The following VWA3A variants were observed in gnomAD, a reference collection of about 807,000 sequenced individuals.
The protein encoded by VWA3A is von Willebrand factor A domain containing 3A.
Under a neutral mutation model 160.4 loss-of-function variants are expected in VWA3A, and 134 were observed. The observed-to-expected ratio is 0.84, with a 90% CI of 0.73 to 0.96. VWA3A has a LOEUF of 0.96. Ranked by LOEUF, VWA3A falls within the 40% of genes least tolerant of loss-of-function variation. VWA3A has a pLI of 0.00. For missense variants in VWA3A, 1,310 were observed against 1,447.9 expected, an observed-to-expected ratio of 0.90 and a Z score of 1.55; for synonymous variants, 476 against 543.4, an observed-to-expected ratio of 0.88 and a Z score of 1.72.
At chr16:22,131,068 C>A in intron 17 of VWA3A, 137 bp from the exon 18 acceptor site, 1 of 754,078 alleles carries the variant, frequency 1.3e-6, no homozygotes, top group Non-Finnish European at 2.3e-6. Flanking sequence ...CATGGCTGGC[C>A]CAGGCCAGTG....
At chr16:22,105,237 C>T (rs529986652) in intron 6 of VWA3A, among the ~76,000 whole-genome samples, 2 of 152,298 alleles carry the variant, frequency 1.3e-5, no homozygotes, top group African/African-American at 4.8e-5. Context: ...ACCCCATCCT[C>T]GCACCTTTGT....
chr16:22,134,251 G>A (rs1392294046), intron 20 of VWA3A, 117 bp from the exon 21 acceptor site: 13 of 763,994 alleles, frequency 1.7e-5, no homozygotes, highest in Non-Finnish European at 2.5e-5. Flanking sequence ...ACAGGAGTAA[G>A]CCACCATTCC....
In VWA3A at chr16:22,119,032, G is replaced by A; in HGVS notation, c.1116+5G>A. On this transcript the variant is annotated splice_donor_5th_base_variant and intron_variant, in intron 12 of 33. Transcript: ENST00000389398. Reference sequence around the variant, plus strand: ...CTCACCTGCACCATGGAGGAGGTAGGTGGTGCGAGTGTCAATTCTGGGGCC... The same window carrying A: ...CTCACCTGCACCATGGAGGAGGTAGATGGTGCGAGTGTCAATTCTGGGGCC... 1 of 1,603,748 alleles carries A rather than the reference G, an allele frequency of 6.2e-7. No homozygotes were observed. Among genetic ancestry groups the A allele is most frequent in the South Asian group, 1.1e-5 (1 of 89,794 alleles).
At chr16:22,103,370 TA>T (rs879745670) in intron 5 of VWA3A, 104 bp from the exon 6 acceptor site, 21,521 of 845,682 alleles carry the variant, frequency 0.025, 26 homozygotes, top group African/African-American at 0.038. Context: ...CTATGCACAT[TA>T]AAAAAAAAAA....
Position 22,132,999 on chromosome 16 carries a change from C to T in VWA3A, c.1972C>T (p.Pro658Ser), listed in dbSNP as rs531608475. ...YVGEPKMDTTPPARYASHTDT... is the reference protein window; with the variant it reads ...YVGEPKMDTTSPARYASHTDT... ...GGGCGAGCCAAAGATGGACACCACACCCCCTGCCCGCTATGCCAGTCACAC... is the reference window on the plus strand; with the variant it reads ...GGGCGAGCCAAAGATGGACACCACATCCCCTGCCCGCTATGCCAGTCACAC... Residue 658 changes from proline (P) to serine (S), a missense_variant, in exon 20 of 34, where the codon CCC (proline) becomes TCC (serine). By Grantham distance (74) the Pro-to-Ser change is moderately conservative (BLOSUM62 -1). Transcript: ENST00000389398. 8 of 1,613,956 alleles carry T rather than the reference C, an allele frequency of 5.0e-6. No individual in the cohort carries two copies. In the African/African-American group the frequency reaches 8.0e-5, roughly 16 times the overall value.
intron 16 of VWA3A, among the ~76,000 whole-genome samples, chr16:22,124,186 C>CA (rs11426931): frequency 0.36 from 16,657 of 46,872 alleles, 3,153 homozygotes; most frequent in African/African-American, 0.57. Context: ...GTGTCTACCA[C>CA]AAAAAAAAAA....
At chr16:22,095,777 G>A (rs934832631) in intron 1 of VWA3A, among the ~76,000 whole-genome samples, 1 of 151,972 alleles carries the variant, frequency 6.6e-6, no homozygotes, top group African/African-American at 2.4e-5. Context: ...GCCAAGGCTG[G>A]TCTTGAACTC....
chr16:22,121,484 A>C (rs534558678), intron 13 of VWA3A, 30 bp from the exon 14 acceptor site: 1 of 1,545,032 alleles, frequency 6.5e-7, no homozygotes, highest in East Asian at 2.2e-5. Flanking sequence ...CTTCTCAGGC[A>C]GTGCCTCCAA....
intron 25 of VWA3A, among the ~76,000 whole-genome samples, chr16:22,143,970 C>G (rs2046201202): frequency 6.6e-6 from 1 of 151,686 alleles, no homozygotes; most frequent in African/African-American, 2.4e-5. Context: ...AAACTCCTGA[C>G]CTCAGGAGTT....
intron 1 of VWA3A, among the ~76,000 whole-genome samples, chr16:22,094,403 C>G (rs897748729): frequency 4.6e-5 from 7 of 151,480 alleles, no homozygotes; most frequent in Middle Eastern, 3.4e-3. Context: ...AGATTAAAGA[C>G]TTGAAAGAGA....
In VWA3A at chr16:22,118,812, G is replaced by T; in HGVS notation, c.991-90G>T. The stretch of plus-strand genomic sequence containing the variant: ...TGGAGAGAGTCTGACCCTCTGCCTG[G>T]GCATTGGCCTGGCTGCTTGCCCCTT... On this transcript the variant is annotated intron_variant, in intron 11 of 33. Transcript: ENST00000389398. 1.9e-6 allele frequency: 3 copies of T among 1,548,664 alleles called. No homozygotes were observed. In the South Asian group the frequency reaches 3.6e-5, roughly 19 times the overall value.
chr16:22,137,098 A>AGT (rs2046058622), intron 21 of VWA3A, among the ~76,000 whole-genome samples: 2 of 151,556 alleles, frequency 1.3e-5, no homozygotes, highest in African/African-American at 4.9e-5. Flanking sequence ...TAAATAAATA[A>AGT]ATAAGTAAGT....
chr16:22,156,597 C>T lies in VWA3A; in HGVS notation c.*580C>T, dbSNP rs2046444865. 6.6e-6 allele frequency: 1 copy of T among 152,300 alleles called. No homozygotes were observed. Among genetic ancestry groups the T allele is most frequent in the Admixed American group, 6.5e-5 (1 of 15,276 alleles). The allele number at this position is 152,300 out of a possible 1,614,324, so 9.4% of individuals were successfully genotyped here. A position where few individuals can be genotyped will look rare whatever the true frequency, so the allele number is the denominator to read the frequency against. On this transcript the variant is annotated 3_prime_UTR_variant, in exon 34 of 34. Coordinates refer to ENST00000389398, the MANE Select transcript of VWA3A (RefSeq NM_173615.5). Reference sequence around the variant, plus strand: ...TCCCCAGAAGCTGCCACATAGGAGACACATGGTGAACAGTGAGCAGGCGGC... The same window carrying T: ...TCCCCAGAAGCTGCCACATAGGAGATACATGGTGAACAGTGAGCAGGCGGC...
rs1333747764 is a variant in VWA3A at position 22,115,875 on chromosome 16, AAGG to A, written c.815+405_815+407del. ...GAAGGAAGGAAGGAAGGAAGGAAGG[AAGG>A]AAGGAAGGAAGGAAGGAAGGAAGGA... On this transcript the variant is annotated intron_variant, in intron 9 of 33. Transcript: ENST00000389398. Among the ~76,000 whole-genome samples, 4 of 18,730 alleles carry A rather than the reference AAGG, an allele frequency of 2.1e-4. No homozygotes were observed. In the African/African-American group the frequency reaches 4.7e-3, roughly 22 times the overall value. 12.3% of individuals were successfully genotyped at this position (18,730 alleles called of 152,430 possible). A position where few individuals can be genotyped will look rare whatever the true frequency, so the allele number is the denominator to read the frequency against.
intron 2 of VWA3A, 148 bp downstream of exon 2, chr16:22,097,093 G>A (rs1052761787): frequency 8.5e-6 from 5 of 585,360 alleles, no homozygotes; most frequent in Non-Finnish European, 1.5e-5. Flanking sequence ...AGCCTCCCGA[G>A]TAGCTGGGAC....
At chr16:22,128,456 A>C (rs887538935) in intron 17 of VWA3A, among the ~76,000 whole-genome samples, 1 of 152,182 alleles carries the variant, frequency 6.6e-6, no homozygotes, top group Non-Finnish European at 1.5e-5. Context: ...GGTAGCAGAG[A>C]AAAAGGAGCA....
intron 20 of VWA3A, 97 bp downstream of exon 20, chr16:22,133,192 G>A: frequency 7.4e-7 from 1 of 1,351,920 alleles, no homozygotes; most frequent in Non-Finnish European, 1.0e-6. Flanking sequence ...CAGAAAAGCA[G>A]CTTGTGAAAA....
At chr16:22,149,984 C>T in intron 29 of VWA3A, 53 bp downstream of exon 29, 1 of 1,545,382 alleles carries the variant, frequency 6.5e-7, no homozygotes, top group East Asian at 2.3e-5. Context: ...CCATCATCCC[C>T]TATGCTGATG....
At position 22,156,129 on chromosome 16, in the gene VWA3A, T is replaced by C. The variant is rs181717759; in HGVS notation, c.*112T>C. 1 of 584,416 alleles carries C rather than the reference T, an allele frequency of 1.7e-6. No individual in the cohort carries two copies. The highest frequency in any genetic ancestry group is 1.9e-5 in the African/African-American group (1 of 53,508). The allele number at this position is 584,416 out of a possible 1,614,324, so 36.2% of individuals were successfully genotyped here. A position where few individuals can be genotyped will look rare whatever the true frequency, so the allele number is the denominator to read the frequency against. On this transcript the variant is annotated 3_prime_UTR_variant, in exon 34 of 34. Coordinates refer to ENST00000389398, the MANE Select transcript of VWA3A (RefSeq NM_173615.5). ...GACCTGCAGGAAACATGATTCCTGGTACCAGGACTCTCTGGAAGCTGAGGA... is the reference window on the plus strand; with the variant it reads ...GACCTGCAGGAAACATGATTCCTGGCACCAGGACTCTCTGGAAGCTGAGGA...
Sources: allele counts gnomAD v4.1 joint callset (sites outside exome capture counted in the v4.1 genomes callset), GRCh38; gene constraint gnomAD v4.1.1; transcripts MANE v1.5; gene names NCBI Gene and HGNC (gene_info 2026-07-23, HGNC 2026-07-21).